Variants in SLC39A8 observed in about 807,000 individuals in gnomAD.
SLC39A8 encodes the protein metal cation symporter ZIP8.
Under a neutral mutation model 40.4 loss-of-function variants are expected in SLC39A8, and 15 were observed. That is an observed-to-expected ratio of 0.37 (90% CI 0.25 to 0.57). SLC39A8 has a LOEUF of 0.57. Among genes scored for constraint, SLC39A8 ranks in the 20% least tolerant of loss-of-function variants. The probability of loss-of-function intolerance (pLI) is 0.75; values close to 1 mark genes in which losing one functional copy is unlikely to be tolerated. For synonymous variants in SLC39A8, 223 were observed against 221.6 expected (o/e 1.01, Z -0.06); for missense variants, 472 against 558.8 (o/e 0.84, Z 1.57).
intron 6 of SLC39A8, among the ~76,000 whole-genome samples, chr4:102,292,675 T>C (rs559111223): frequency 2.6e-5 from 4 of 152,154 alleles, no homozygotes; most frequent in African/African-American, 9.6e-5. Flanking sequence ...TATTCCGTCA[T>C]TGAAATAGAG....
chr4:102,300,489 A>G (rs1409714036), intron 6 of SLC39A8, among the ~76,000 whole-genome samples: 1 of 152,060 alleles, frequency 6.6e-6, no homozygotes, highest in Non-Finnish European at 1.5e-5. Context: ...ATTCTATAAC[A>G]TGTCTTTGTT....
intron 6 of SLC39A8, among the ~76,000 whole-genome samples, chr4:102,296,028 G>C (rs913762263): frequency 2.6e-5 from 4 of 152,044 alleles, no homozygotes; most frequent in Non-Finnish European, 4.4e-5. Context: ...AATTATATTG[G>C]ACTTTAAGAT....
In SLC39A8 at chr4:102,263,235, T is replaced by C. The variant is rs756312421; in HGVS notation, c.1234-42A>G. ...TTGTTAGATAACTGTTGCCATCTTG[T>C]GGCAAACCACAAAACAGTCACTTAG... On this transcript the variant is annotated intron_variant, in intron 8 of 8. Transcript: ENST00000356736. 4 of 1,579,240 alleles carry C rather than the reference T, an allele frequency of 2.5e-6. No individual in the cohort carries two copies. In the East Asian group the frequency reaches 9.0e-5, roughly 35 times the overall value.
At chr4:102,259,426 C>A (rs1269864187), downstream of SLC39A8, 44 of 1,432,606 alleles carry the variant, frequency 3.1e-5, no homozygotes, top group Non-Finnish European at 3.8e-5. Flanking sequence ...GCAAGCCCAC[C>A]CATTAAAATT....
At chr4:102,344,378 T>C (rs947720265) in intron 2 of SLC39A8, 66 bp downstream of exon 2, 2 of 1,152,906 alleles carry the variant, frequency 1.7e-6, no homozygotes, top group Non-Finnish European at 2.4e-6. Context: ...TAAAAACGGC[T>C]CATATACAAA....
intron 2 of SLC39A8, among the ~76,000 whole-genome samples, chr4:102,338,651 G>A (rs1031786920): frequency 1.3e-5 from 2 of 152,150 alleles, no homozygotes; most frequent in Non-Finnish European, 2.9e-5. Context: ...TAAGGTCATG[G>A]TTGCTCTAGC....
chr4:102,267,628 G>A lies in SLC39A8; in HGVS notation c.1095C>T (p.Ala365=). The change falls in exon 8 of 9, where the codon GCC becomes GCT. Residue 365 remains alanine, a synonymous_variant. Coordinates refer to ENST00000356736, the MANE Select transcript of SLC39A8 (RefSeq NM_001135146.2). ...ATGCAGAAAGGAAGTTGAATAGCAA[G>A]GCTTGTCGAGTGCTCATCCCTGCAT... ...LLNAGMSTRQ[A]LLFNFLSACS... 2 of 1,613,356 alleles carry A rather than the reference G, an allele frequency of 1.2e-6. No homozygotes were observed. Among genetic ancestry groups the A allele is most frequent in the East Asian group, 2.2e-5 (1 of 44,882 alleles).
At chr4:102,297,515 A>C (rs1193536302) in intron 6 of SLC39A8, among the ~76,000 whole-genome samples, 1 of 152,138 alleles carries the variant, frequency 6.6e-6, no homozygotes, top group East Asian at 1.9e-4. Context: ...GTGGGAAAGA[A>C]GGTTTGAGAA....
At chr4:102,285,628 G>GGTAT (rs1553913405) in intron 6 of SLC39A8, among the ~76,000 whole-genome samples, 1 of 149,958 alleles carries the variant, frequency 6.7e-6, no homozygotes, top group Non-Finnish European at 1.5e-5. Context: ...TATAGATGAG[G>GGTAT]GTGTGTGTGT....
chr4:102,335,210 T>C (rs1289131724), intron 2 of SLC39A8, among the ~76,000 whole-genome samples: 2 of 152,156 alleles, frequency 1.3e-5, no homozygotes, highest in Non-Finnish European at 2.9e-5. Context: ...CCTGGTACCA[T>C]CATAGCATGC....
In SLC39A8 at chr4:102,291,591, A is replaced by T. The variant is rs76653412; in HGVS notation, c.840+12726T>A. On this transcript the variant is annotated intron_variant, in intron 6 of 8. Transcript: ENST00000356736. ...AAGAAGGTCCAATATACTAGGGTCC[A>T]CAGGGGTTCCTGTATTCACAGCTAA... Among the ~76,000 whole-genome samples the T allele has an allele frequency of 5.7e-3, 863 of 152,150 alleles. 4 individuals are homozygous for T. The highest frequency in any genetic ancestry group is 0.019 in the African/African-American group (795 of 41,542).
Position 102,262,665 on chromosome 4 carries a change from C to T in SLC39A8, c.*379G>A. 2.0e-6 allele frequency: 2 copies of T among 991,692 alleles called. No homozygotes were observed. The highest frequency in any genetic ancestry group is 1.2e-6 in the Non-Finnish European group (1 of 834,240). 61.4% of individuals were successfully genotyped at this position (991,692 alleles called of 1,614,324 possible). On this transcript the variant is annotated 3_prime_UTR_variant, in exon 9 of 9. Transcript: ENST00000356736. ...AAAACCTCTCTGAAACCATTTGAAT[C>T]TTTGATCCTACCATAGAGTTTTAAA...
At chr4:102,336,561 A>G (rs769618705) in intron 2 of SLC39A8, among the ~76,000 whole-genome samples, 1 of 152,258 alleles carries the variant, frequency 6.6e-6, no homozygotes, top group Non-Finnish European at 1.5e-5. Context: ...ATTTAAAGAA[A>G]AAAAGTCAAG....
rs957736041 is a variant in SLC39A8, at chr4:102,342,288, G to A, written c.219+2156C>T. 1.1e-4 allele frequency among the ~76,000 whole-genome samples: 17 copies of A among 152,146 alleles called. No homozygotes were observed. The East Asian group carries it at 3.1e-3, about 28-fold the overall frequency. On this transcript the variant is annotated intron_variant, in intron 2 of 8. Coordinates refer to ENST00000356736, the MANE Select transcript of SLC39A8 (RefSeq NM_001135146.2). ...GACCGAGGCCGGCGGATCACCTGAG[G>A]TCGGGAGTTTGAGACCAGACTGACC... is the stretch of plus-strand genomic sequence containing the variant.
Position 102,344,824 on chromosome 4 carries a change from AG to A in SLC39A8, c.-163del. On this transcript the variant is annotated 5_prime_UTR_variant, in exon 2 of 9. The change creates a premature stop within an existing upstream ORF in the 5' untranslated region. Coordinates refer to ENST00000356736, the MANE Select transcript of SLC39A8 (RefSeq NM_001135146.2). ...CCCCTGGTTCTCCGACGCCTTCGAAAGAACAGCAGCTCGCGACCTGCGGGGC... is the reference window on the plus strand; with the variant it reads ...CCCCTGGTTCTCCGACGCCTTCGAAAAACAGCAGCTCGCGACCTGCGGGGC... 7.6e-7 allele frequency: 1 copy of A among 1,320,624 alleles called. No homozygotes were observed. Among genetic ancestry groups the A allele is most frequent in the Non-Finnish European group, 9.6e-7 (1 of 1,040,296 alleles). The allele number at this position is 1,320,624 out of a possible 1,614,324, so 81.8% of individuals were successfully genotyped here. A position where few individuals can be genotyped will look rare whatever the true frequency, so the allele number is the denominator to read the frequency against.
intron 8 of SLC39A8, 105 bp from the exon 9 acceptor site, chr4:102,263,298 C>T: frequency 1.1e-6 from 1 of 939,432 alleles, no homozygotes; most frequent in Non-Finnish European, 1.6e-6. Flanking sequence ...TGGTTCCAGA[C>T]CAGTGTGATA....
At chr4:102,304,907 A>C (rs1328972919) in intron 5 of SLC39A8, 82 bp downstream of exon 5, 2 of 1,268,812 alleles carry the variant, frequency 1.6e-6, no homozygotes, top group African/African-American at 1.5e-5. Context: ...TAATTCTAAA[A>C]ATAAAATTTC....
chr4:102,335,114 T>C (rs1183196624), intron 2 of SLC39A8, among the ~76,000 whole-genome samples: 1 of 152,170 alleles, frequency 6.6e-6, no homozygotes, highest in African/African-American at 2.4e-5. Flanking sequence ...GTAGGTGAAG[T>C]AACCGAATAA....
At chr4:102,292,295 C>T (rs1733481484) in intron 6 of SLC39A8, among the ~76,000 whole-genome samples, 1 of 152,054 alleles carries the variant, frequency 6.6e-6, no homozygotes, top group African/African-American at 2.4e-5. Context: ...TAAAACATAA[C>T]ATTATACCCT....
Sources: gnomAD v4.1 joint callset for allele counts (sites outside exome capture counted in the v4.1 genomes callset) on GRCh38, gnomAD v4.1.1 for gene constraint, MANE v1.5 for transcripts, NCBI Gene and HGNC (gene_info 2026-07-23, HGNC 2026-07-21) for gene names.